C10orf90: variants seen among roughly 807,000 people sequenced by gnomAD.
C10orf90 encodes the protein chromosome 10 open reading frame 90.
C10orf90 carries 56 observed loss-of-function variants against 62.5 expected under a neutral mutation model. That is an observed-to-expected ratio of 0.90 (90% CI 0.72 to 1.12). The LOEUF (loss-of-function observed/expected upper bound fraction) is 1.12, where lower values mean the gene tolerates loss of function less well. Among genes scored for constraint, C10orf90 ranks in the 50% most tolerant of loss-of-function variants. C10orf90 has a pLI of 0.00. For synonymous variants in C10orf90, 386 were observed against 340.4 expected, an observed-to-expected ratio of 1.13 and a Z score of -1.47; for missense variants, 970 against 880.4, an observed-to-expected ratio of 1.10 and a Z score of -1.29.
At chr10:126,630,447 C>T (rs1311846635) in intron 2 of C10orf90, among the ~76,000 whole-genome samples, 1 of 151,998 alleles carries the variant, frequency 6.6e-6, no homozygotes, top group Non-Finnish European at 1.5e-5. Context: ...GTAGAGGGGT[C>T]CTGGGCTTGG....
intron 3 of C10orf90, among the ~76,000 whole-genome samples, chr10:126,506,290 A>G (rs1862727067): frequency 6.6e-6 from 1 of 152,252 alleles, no homozygotes; most frequent in Non-Finnish European, 1.5e-5. Flanking sequence ...TTATGTGTGA[A>G]GCACTACAAA....
At chr10:126,565,348 T>A (rs1283328147) in intron 2 of C10orf90, among the ~76,000 whole-genome samples, 4 of 66,996 alleles carry the variant, frequency 6.0e-5, no homozygotes, top group African/African-American at 2.7e-4. Flanking sequence ...ATATAATATA[T>A]AATATATAAT....
At chr10:126,636,582 C>A (rs941995922) in intron 2 of C10orf90, among the ~76,000 whole-genome samples, 1 of 152,202 alleles carries the variant, frequency 6.6e-6, no homozygotes, top group Non-Finnish European at 1.5e-5. Flanking sequence ...TCTCCTCCAG[C>A]TCTGCCACAC....
At chr10:126,521,500 A>G (rs1468983686) in intron 2 of C10orf90, 1 of 1,407,424 alleles carries the variant, frequency 7.1e-7, no homozygotes, top group African/African-American at 1.4e-5. Flanking sequence ...ATATGTAATG[A>G]AGTCACCGGA....
chr10:126,499,964 T>A (rs1297200517), intron 4 of C10orf90, among the ~76,000 whole-genome samples: 1 of 152,190 alleles, frequency 6.6e-6, no homozygotes, highest in Non-Finnish European at 1.5e-5. Context: ...AAGTCAATAG[T>A]GAGTCAGGCA....
chr10:126,667,733 C>A lies in C10orf90; in HGVS notation c.240+2508G>T, dbSNP rs79382315. ...TCAGAAAGTGTCCCTGCTTGCCATG[C>A]GGACAGAAGGCAGAGCTCCAATATA... On this transcript the variant is annotated intron_variant, in intron 1 of 9. Transcript: ENST00000488181. Among the ~76,000 whole-genome samples the A allele has an allele frequency of 1.4e-3, 217 of 152,286 alleles. 1 individual carries two copies. Among genetic ancestry groups the A allele is most frequent in the African/African-American group, 5.1e-3 (210 of 41,570 alleles).
chr10:126,658,893 C>G (rs1846450075), intron 1 of C10orf90, among the ~76,000 whole-genome samples: 1 of 152,188 alleles, frequency 6.6e-6, no homozygotes, highest in Admixed American at 6.5e-5. Flanking sequence ...GCTCCTAGCC[C>G]TTTCCCTAGT....
chr10:126,618,311 C>G (rs555385671), intron 2 of C10orf90, among the ~76,000 whole-genome samples: 1 of 152,140 alleles, frequency 6.6e-6, no homozygotes, highest in Non-Finnish European at 1.5e-5. Context: ...AAAAGATATG[C>G]TGTTTTTATC....
rs753414035 is a variant in C10orf90, at chr10:126,425,730, T to C, written c.*134A>G. 391 of 904,202 alleles carry C rather than the reference T, an allele frequency of 4.3e-4. No individual in the cohort carries two copies. Among genetic ancestry groups the C allele is most frequent in the Non-Finnish European group, 5.9e-4 (363 of 611,332 alleles). 56.0% of individuals were successfully genotyped at this position (904,202 alleles called of 1,614,324 possible). On this transcript the variant is annotated 3_prime_UTR_variant, in exon 10 of 10. Transcript: ENST00000488181. The stretch of plus-strand genomic sequence containing the variant: ...GTCAGTAATTCAGGAAGTGATGTTT[T>C]CCTTTATGGAAAAAAAAAATCGAAA...
In C10orf90 at chr10:126,565,118, T is replaced by C. The variant is rs190796008; in HGVS notation, c.314-51179A>G. Among the ~76,000 whole-genome samples, 20 of 24,290 alleles carry C rather than the reference T, an allele frequency of 8.2e-4. 1 individual carries two copies. The highest frequency in any genetic ancestry group is 2.6e-3 in the South Asian group (2 of 760). 15.9% of individuals were successfully genotyped at this position (24,290 alleles called of 152,430 possible). ...TATATAATATATAAAATATATATTA[T>C]ATAATATATAATATAAATATAATAT... On this transcript the variant is annotated intron_variant, in intron 2 of 9. Coordinates refer to ENST00000488181, the MANE Select transcript of C10orf90 (RefSeq NM_001350921.2).
At chr10:126,565,287 T>C (rs1313299896) in intron 2 of C10orf90, among the ~76,000 whole-genome samples, 1 of 69,810 alleles carries the variant, frequency 1.4e-5, no homozygotes, top group African/African-American at 5.8e-5. Flanking sequence ...ATATTATATA[T>C]TATATATTTA....
intron 3 of C10orf90, among the ~76,000 whole-genome samples, chr10:126,512,689 A>T (rs531234176): frequency 6.6e-6 from 1 of 152,240 alleles, no homozygotes; most frequent in African/African-American, 2.4e-5. Flanking sequence ...TCAGTGATCC[A>T]CTGCTCTTTG....
chr10:126,643,613 T>C (rs76700904), intron 2 of C10orf90, among the ~76,000 whole-genome samples: 3,408 of 152,230 alleles, frequency 0.022, 132 homozygotes, highest in African/African-American at 0.078. Context: ...GTCCGCACGC[T>C]CTTGCTGCCA....
intron 2 of C10orf90, chr10:126,523,401 T>G (rs1036457): frequency 0.89 from 135,046 of 152,250 alleles, 60,077 homozygotes; most frequent in African/African-American, 0.96. Flanking sequence ...AAGATAGCAC[T>G]TTTGAGGGCC....
chr10:126,501,414 G>T (rs1459990543), intron 4 of C10orf90, among the ~76,000 whole-genome samples: 1 of 152,174 alleles, frequency 6.6e-6, no homozygotes, highest in Non-Finnish European at 1.5e-5. Flanking sequence ...AGGTGAAGGT[G>T]TGCATTTGTA....
chr10:126,483,444 C>A (rs1302111235), intron 4 of C10orf90, among the ~76,000 whole-genome samples: 2 of 152,180 alleles, frequency 1.3e-5, no homozygotes, highest in African/African-American at 4.8e-5. Flanking sequence ...CTCTACTAAT[C>A]CTAGACTCCA....
At chr10:126,436,872 C>A (rs1857955121) in intron 7 of C10orf90, among the ~76,000 whole-genome samples, 1 of 151,940 alleles carries the variant, frequency 6.6e-6, no homozygotes, top group African/African-American at 2.4e-5. Context: ...CTTTGTTGCC[C>A]AAGATGGTCT....
intron 2 of C10orf90, among the ~76,000 whole-genome samples, chr10:126,568,262 C>T (rs184335890): frequency 2.6e-5 from 4 of 152,314 alleles, no homozygotes; most frequent in Admixed American, 6.5e-5. Context: ...GGAATCAGCC[C>T]GTTAGCCAGG....
chr10:126,444,603 A>C (rs558671073), intron 7 of C10orf90, among the ~76,000 whole-genome samples: 3 of 152,310 alleles, frequency 2.0e-5, no homozygotes, highest in East Asian at 3.9e-4. Flanking sequence ...TGCCAAAAGC[A>C]ATCTACAAAT....
Sources: gnomAD v4.1 joint callset for allele counts (sites outside exome capture counted in the v4.1 genomes callset) on GRCh38, gnomAD v4.1.1 for gene constraint, MANE v1.5 for transcripts, NCBI Gene and HGNC (gene_info 2026-07-23, HGNC 2026-07-21) for gene names.